Variants in POLR1F observed in about 807,000 individuals in gnomAD.
POLR1F encodes RNA polymerase I subunit F, also known as DNA-directed RNA polymerase I subunit RPA43.
POLR1F carries 23 observed loss-of-function variants against 21.8 expected under a neutral mutation model. That is an observed-to-expected ratio of 1.05 (90% CI 0.76 to 1.49). The LOEUF is 1.49. Among genes scored for constraint, POLR1F ranks in the 40% most tolerant of loss-of-function variants. The pLI is 0.00. For missense variants in POLR1F, 435 were observed against 412.1 expected, an observed-to-expected ratio of 1.06 and a Z score of -0.48; for synonymous variants, 162 against 152.8, an observed-to-expected ratio of 1.06 and a Z score of -0.45.
chr7:19,709,033 C>G lies in POLR1F; in HGVS notation c.-17G>C. 1 of 1,553,882 alleles carries G rather than the reference C, an allele frequency of 6.4e-7. No homozygotes were observed. Among genetic ancestry groups the G allele is most frequent in the Non-Finnish European group, 8.7e-7 (1 of 1,152,736 alleles). On this transcript the variant is annotated 5_prime_UTR_variant, in exon 1 of 4. Transcript: ENST00000222567. ...TGCAGCCATGCTGCTTGTCAAGGTT[C>G]CCACGGCGCGCGCCGTTGACGCAAG...
At chr7:19,705,895 A>T (rs1169784423) in intron 1 of POLR1F, among the ~76,000 whole-genome samples, 1 of 152,136 alleles carries the variant, frequency 6.6e-6, no homozygotes, top group Non-Finnish European at 1.5e-5. Flanking sequence ...TGGTGGCTTC[A>T]TTACCACACC....
intron 2 of POLR1F, among the ~76,000 whole-genome samples, chr7:19,703,369 A>C (rs994510241): frequency 1.3e-5 from 2 of 152,226 alleles, no homozygotes; most frequent in Admixed American, 1.3e-4. Context: ...GGAATGGTAT[A>C]CAGACCTGAC....
intron 1 of POLR1F, among the ~76,000 whole-genome samples, chr7:19,705,912 T>G (rs1390574642): frequency 6.6e-6 from 1 of 152,094 alleles, no homozygotes; most frequent in Non-Finnish European, 1.5e-5. Context: ...CACCCACTAC[T>G]TGTTGGAGAA....
Position 19,698,576 on chromosome 7 carries a change from C to G in POLR1F, c.757G>C (p.Asp253His). 1.2e-6 allele frequency: 2 copies of G among 1,613,394 alleles called. No homozygotes were observed. The highest frequency in any genetic ancestry group is 8.5e-7 in the Non-Finnish European group (1 of 1,179,758). The change falls in exon 4 of 4, where the codon GAC becomes CAC. Residue 253 changes from aspartate (D) to histidine (H), a missense_variant. By Grantham distance (81) the Asp-to-His change is moderately conservative (BLOSUM62 -1). Transcript: ENST00000222567. ...GTTKLADDAD[D>H]TPMEESALQN... The stretch of plus-strand genomic sequence containing the variant: ...AGGGCTGACTCTTCCATTGGAGTGT[C>G]ATCTGCATCATCTGCTAGCTTTGTG...
chr7:19,699,985 C>T, intron 3 of POLR1F, 87 bp downstream of exon 3: 1 of 1,174,574 alleles, frequency 8.5e-7, no homozygotes, highest in Non-Finnish European at 1.2e-6. Context: ...GGCTTATTCT[C>T]TTTAAAATTA....
At chr7:19,704,423 G>A (rs1258365185) in intron 2 of POLR1F, among the ~76,000 whole-genome samples, 1 of 152,018 alleles carries the variant, frequency 6.6e-6, no homozygotes, top group Non-Finnish European at 1.5e-5. Flanking sequence ...TTGAATTCCT[G>A]TTTCATATAC....
In POLR1F at chr7:19,708,845, C is replaced by T; in HGVS notation, c.172G>A (p.Ala58Thr). 1 of 1,614,206 alleles carries T rather than the reference C, an allele frequency of 6.2e-7. No individual in the cohort carries two copies. The highest frequency in any genetic ancestry group is 8.5e-7 in the Non-Finnish European group (1 of 1,180,032). The change falls in exon 1 of 4, where the codon GCG (alanine) becomes ACG (threonine). Residue 58 changes from alanine (A) to threonine (T), a missense_variant. Ala to Thr is a moderately conservative substitution (Grantham distance 58, BLOSUM62 0). Transcript: ENST00000222567. ...CTGTTAAGGTAGCGGGGCGACAGCG[C>T]GATGTGCCTTTGGTGCGGCCCGGCC... The part of the protein sequence containing the change: ...LVAGPHQRHI[A>T]LSPRYLNRKR...
At chr7:19,706,319 CAG>C (rs997655322) in intron 1 of POLR1F, among the ~76,000 whole-genome samples, 1 of 152,086 alleles carries the variant, frequency 6.6e-6, no homozygotes, top group South Asian at 2.1e-4. Flanking sequence ...ACACAGAAAA[CAG>C]AGAATAGGAA....
At chr7:19,701,968 T>C (rs1449986275) in intron 2 of POLR1F, among the ~76,000 whole-genome samples, 2 of 152,156 alleles carry the variant, frequency 1.3e-5, no homozygotes, top group East Asian at 3.9e-4. Flanking sequence ...GCAATATCTG[T>C]GTGTCAGTGT....
At position 19,700,575 on chromosome 7, in the gene POLR1F, G is replaced by A. The variant is rs566399246; in HGVS notation, c.397-295C>T. ...TAACTGGATAAACTAACCTGCCCCCGCCACCCTGTCCAAGAAAAAAAACCA... is the reference window on the plus strand; with the variant it reads ...TAACTGGATAAACTAACCTGCCCCCACCACCCTGTCCAAGAAAAAAAACCA... On this transcript the variant is annotated intron_variant, in intron 2 of 3. Coordinates refer to ENST00000222567, the MANE Select transcript of POLR1F (RefSeq NM_001002926.2). Among the ~76,000 whole-genome samples the A allele has an allele frequency of 1.9e-4, 29 of 152,062 alleles. No individual in the cohort carries two copies. In the East Asian group the frequency reaches 3.5e-3, roughly 18 times the overall value.
At chr7:19,700,014 A>T in intron 3 of POLR1F, 58 bp downstream of exon 3, 1 of 1,400,650 alleles carries the variant, frequency 7.1e-7, no homozygotes, top group Non-Finnish European at 1.0e-6. Context: ...TTCTCTTTAA[A>T]ATTCAGAATT....
chr7:19,704,920 G>A lies in POLR1F; in HGVS notation c.255C>T (p.Ser85=). ...CATATGCAATAGGGACACCTAAAAG[G>A]CTGTAAAAAGAAAAAGTTGAAAATG... ...LDAELLRYSE[S]LLGVPIAYDN... The change falls in exon 2 of 4, where the codon AGC becomes AGT. Residue 85 remains serine, a splice_region_variant and synonymous_variant. Coordinates refer to ENST00000222567, the MANE Select transcript of POLR1F (RefSeq NM_001002926.2). 1 of 1,557,098 alleles carries A rather than the reference G, an allele frequency of 6.4e-7. No individual in the cohort carries two copies. The highest frequency in any genetic ancestry group is 8.6e-7 in the Non-Finnish European group (1 of 1,161,934).
chr7:19,706,815 T>A (rs1783532075), intron 1 of POLR1F, among the ~76,000 whole-genome samples: 1 of 152,192 alleles, frequency 6.6e-6, no homozygotes, highest in South Asian at 2.1e-4. Flanking sequence ...TCAGATACCA[T>A]CCTAAATAGG....
rs1450561524 is a variant in POLR1F, at chr7:19,708,981, CGCTGGCCGCGG to C, written c.25_35del (p.Pro9GlyfsTer4). 1 of 1,596,260 alleles carries C rather than the reference CGCTGGCCGCGG, an allele frequency of 6.3e-7. No homozygotes were observed. Among genetic ancestry groups the C allele is most frequent in the Non-Finnish European group, 8.6e-7 (1 of 1,169,574 alleles). ...CTACCAGAGACCCATCAGAAGCCGC[CGCTGGCCGCGG>C]CGCCTCTGAGCAACCTGCAGCCATG... On this transcript the variant is annotated frameshift_variant, in exon 1 of 4. Transcript: ENST00000222567. LOFTEE classifies it high-confidence loss of function.
chr7:19,695,762 A>C lies in POLR1F; in HGVS notation c.*2554T>G, dbSNP rs955118623. On this transcript the variant is annotated 3_prime_UTR_variant, in exon 4 of 4. Coordinates refer to ENST00000222567, the MANE Select transcript of POLR1F (RefSeq NM_001002926.2). ...AAAGTTTATGCGAAGGTGGTGCCTG[A>C]GGTCTTTTACATTAGATAACTTCTT... 2 of 152,136 alleles carry C rather than the reference A, an allele frequency of 1.3e-5. No homozygotes were observed. The highest frequency in any genetic ancestry group is 4.8e-5 in the African/African-American group (2 of 41,450). The allele number at this position is 152,136 out of a possible 1,614,324, so 9.4% of individuals were successfully genotyped here.
intron 1 of POLR1F, among the ~76,000 whole-genome samples, chr7:19,707,600 G>A (rs1783547872): frequency 6.6e-6 from 1 of 152,138 alleles, no homozygotes; most frequent in South Asian, 2.1e-4. Flanking sequence ...TGCCTGGAAT[G>A]TTACCATGTT....
intron 2 of POLR1F, 36 bp from the exon 3 acceptor site, chr7:19,700,316 G>A: frequency 6.5e-7 from 1 of 1,529,808 alleles, no homozygotes; most frequent in South Asian, 1.1e-5. Context: ...GTAACATAAA[G>A]AACACATCCA....
Position 19,708,982 on chromosome 7 carries a change from G to A in POLR1F, c.35C>T (p.Ala12Val). Reference protein sequence around the residue: ...AAGCSEAPRPAAASDGSLVGQ... With the variant: ...AAGCSEAPRPVAASDGSLVGQ... ...TACCAGAGACCCATCAGAAGCCGCC[G>A]CTGGCCGCGGCGCCTCTGAGCAACC... The change falls in exon 1 of 4, where the codon GCG becomes GTG. Residue 12 changes from alanine (A) to valine (V), a missense_variant. By Grantham distance (64) the Ala-to-Val change is moderately conservative. Transcript: ENST00000222567. 3.1e-6 allele frequency: 5 copies of A among 1,595,600 alleles called. No individual in the cohort carries two copies. The highest frequency in any genetic ancestry group is 4.3e-6 in the Non-Finnish European group (5 of 1,169,422).
rs898907857 is a variant in POLR1F at position 19,698,690 on chromosome 7, T to A, written c.643A>T (p.Thr215Ser). 6.4e-7 allele frequency: 1 copy of A among 1,566,708 alleles called. No individual in the cohort carries two copies. The highest frequency in any genetic ancestry group is 8.6e-7 in the Non-Finnish European group (1 of 1,166,838). Residue 215 changes from threonine to serine, a missense_variant, in exon 4 of 4, where the codon ACA (threonine) becomes TCA (serine). Physicochemically the swap from Thr to Ser is moderately conservative, Grantham distance 58. Coordinates refer to ENST00000222567, the MANE Select transcript of POLR1F (RefSeq NM_001002926.2). ...FKRSEVSEEVTENGTEEAAKK... is the reference protein window; with the variant it reads ...FKRSEVSEEVSENGTEEAAKK... Reference sequence around the variant, plus strand: ...GCAGCTTCCTCAGTGCCATTTTCTGTAACTTCTTCAGAAACTTCAGAGCGC... The same window carrying A: ...GCAGCTTCCTCAGTGCCATTTTCTGAAACTTCTTCAGAAACTTCAGAGCGC...
Sources: gnomAD v4.1 joint callset for allele counts (sites outside exome capture counted in the v4.1 genomes callset) on GRCh38, gnomAD v4.1.1 for gene constraint, MANE v1.5 for transcripts, NCBI Gene and HGNC (gene_info 2026-07-23, HGNC 2026-07-21) for gene names.